TMEM207: variants seen among roughly 807,000 people sequenced by gnomAD.
TMEM207 encodes transmembrane protein 207, also known as SRSR846.
A neutral mutation model predicts 17.4 loss-of-function variants in TMEM207; 15 were observed. The ratio of observed to expected loss-of-function variants is 0.86; its 90% confidence interval spans 0.58 to 1.33. The LOEUF is 1.33. Ranked by LOEUF, TMEM207 falls within the 40% of genes most tolerant of loss-of-function variation. TMEM207 has a pLI of 0.00. For synonymous variants in TMEM207, 70 were observed against 65.6 expected (o/e 1.07, Z -0.33); for missense variants, 205 against 173.8 (o/e 1.18, Z -1.01).
intron 1 of TMEM207, 80 bp from the exon 2 acceptor site, chr3:190,447,907 T>C: frequency 7.5e-7 from 1 of 1,341,026 alleles, no homozygotes; most frequent in Non-Finnish European, 1.0e-6. Flanking sequence ...CTAGAGACAA[T>C]GTGGGTTTAT....
intron 4 of TMEM207, among the ~76,000 whole-genome samples, chr3:190,431,222 T>G (rs543425674): frequency 2.0e-5 from 3 of 152,080 alleles, no homozygotes; most frequent in African/African-American, 7.2e-5. Flanking sequence ...TTACCTCAGT[T>G]TTCTCTTAGG....
chr3:190,429,386 T>A lies in TMEM207; in HGVS notation c.*209A>T. On this transcript the variant is annotated 3_prime_UTR_variant, in exon 5 of 5. Transcript: ENST00000354905. ...GTAGCATAAAAGTATGATACAGCAG[T>A]GACACATCAAAAGCCTGCTACTTTA... 1 of 565,610 alleles carries A rather than the reference T, an allele frequency of 1.8e-6. No individual in the cohort carries two copies. The highest frequency in any genetic ancestry group is 3.2e-5 in the Admixed American group (1 of 31,548). The allele number at this position is 565,610 out of a possible 1,614,324, so 35.0% of individuals were successfully genotyped here.
At chr3:190,449,579 G>A (rs950156212) in intron 1 of TMEM207, among the ~76,000 whole-genome samples, 156 bp downstream of exon 1, 5 of 152,162 alleles carry the variant, frequency 3.3e-5, no homozygotes, top group African/African-American at 1.2e-4. Context: ...TCTGACCAGT[G>A]AATACAAGAA....
intron 4 of TMEM207, among the ~76,000 whole-genome samples, chr3:190,438,241 T>C (rs1052790531): frequency 1.3e-5 from 2 of 151,724 alleles, no homozygotes; most frequent in African/African-American, 4.8e-5. Flanking sequence ...AAACTTAAAG[T>C]ATAATAATAA....
chr3:190,442,267 C>T (rs1377113707), intron 2 of TMEM207, among the ~76,000 whole-genome samples: 1 of 152,132 alleles, frequency 6.6e-6, no homozygotes, highest in Non-Finnish European at 1.5e-5. Flanking sequence ...TTAAGGTATT[C>T]TGAACTGAGC....
intron 4 of TMEM207, among the ~76,000 whole-genome samples, chr3:190,436,719 A>G (rs982643720): frequency 1.3e-5 from 2 of 152,236 alleles, no homozygotes; most frequent in Admixed American, 6.5e-5. Context: ...TAAATCTAGC[A>G]TGGGTCCAGG....
At chr3:190,444,053 G>A (rs1820338) in intron 2 of TMEM207, among the ~76,000 whole-genome samples, 80,616 of 151,952 alleles carry the variant, frequency 0.53, 21,761 homozygotes, top group Non-Finnish European at 0.6. Flanking sequence ...TCTGTGCTGA[G>A]AATCTGTGGA....
intron 4 of TMEM207, among the ~76,000 whole-genome samples, chr3:190,433,634 C>T (rs1410573264): frequency 2.0e-5 from 3 of 152,084 alleles, no homozygotes; most frequent in Non-Finnish European, 4.4e-5. Flanking sequence ...GCATACATTC[C>T]TTTGAAAAAA....
chr3:190,428,958 T>C lies in TMEM207; in HGVS notation c.*637A>G, dbSNP rs1560104737. ...TTCTTTTCTCCCCGTGTTGGCATTA[T>C]ATGTGCTCTATATCTTCAGCAATCT... On this transcript the variant is annotated 3_prime_UTR_variant, in exon 5 of 5. Transcript: ENST00000354905. The C allele has an allele frequency of 6.6e-6, 1 of 152,390 alleles. No individual in the cohort carries two copies. The highest frequency in any genetic ancestry group is 1.9e-4 in the East Asian group (1 of 5,186). The allele number at this position is 152,390 out of a possible 1,614,324, so 9.4% of individuals were successfully genotyped here.
At chr3:190,441,284 G>A (rs1719931339) in intron 3 of TMEM207, among the ~76,000 whole-genome samples, 154 bp downstream of exon 3, 1 of 152,092 alleles carries the variant, frequency 6.6e-6, no homozygotes, top group Non-Finnish European at 1.5e-5. Flanking sequence ...AGTAAACATT[G>A]GCCAACGATC....
intron 2 of TMEM207, among the ~76,000 whole-genome samples, chr3:190,446,652 T>C (rs1482462006): frequency 6.6e-6 from 1 of 152,262 alleles, no homozygotes; most frequent in Non-Finnish European, 1.5e-5. Context: ...CTCTTAGGTT[T>C]CAATCCCTTC....
chr3:190,430,049 T>C (rs1719658721), intron 4 of TMEM207, among the ~76,000 whole-genome samples: 2 of 152,274 alleles, frequency 1.3e-5, no homozygotes, highest in South Asian at 4.1e-4. Flanking sequence ...TCAACACTAA[T>C]GGCATTTCAG....
In TMEM207 at chr3:190,429,480, G is replaced by T; in HGVS notation, c.*115C>A. 7.0e-7 allele frequency: 1 copy of T among 1,421,334 alleles called. No homozygotes were observed. Among genetic ancestry groups the T allele is most frequent in the Admixed American group, 2.3e-5 (1 of 44,242 alleles). 88.0% of individuals were successfully genotyped at this position (1,421,334 alleles called of 1,614,324 possible). On this transcript the variant is annotated 3_prime_UTR_variant, in exon 5 of 5. Coordinates refer to ENST00000354905, the MANE Select transcript of TMEM207 (RefSeq NM_207316.3). ...TCTTTTGTCGAATTGTCCTTCCTCA[G>T]ACTATATGAATAGATCTCTGGACAT...
At chr3:190,430,516 G>T (rs1281607994) in intron 4 of TMEM207, among the ~76,000 whole-genome samples, 1 of 150,350 alleles carries the variant, frequency 6.7e-6, no homozygotes, top group Non-Finnish European at 1.5e-5. Flanking sequence ...TATAAAGATG[G>T]TTTTATATAT....
At chr3:190,448,936 C>T (rs1469115431) in intron 1 of TMEM207, among the ~76,000 whole-genome samples, 1 of 152,124 alleles carries the variant, frequency 6.6e-6, no homozygotes, top group East Asian at 1.9e-4. Context: ...TGCTAGAATG[C>T]TGCAAATAGA....
chr3:190,439,817 C>T (rs2108535681), intron 4 of TMEM207, among the ~76,000 whole-genome samples: 1 of 152,206 alleles, frequency 6.6e-6, no homozygotes, highest in Admixed American at 6.5e-5. Flanking sequence ...TGGAAAGTGT[C>T]GTTCAATGTT....
intron 1 of TMEM207, among the ~76,000 whole-genome samples, chr3:190,448,879 T>C (rs931753890): frequency 3.9e-5 from 6 of 152,164 alleles, no homozygotes; most frequent in African/African-American, 1.4e-4. Context: ...TCAGAGAGCA[T>C]GGTAATGAAC....
At chr3:190,449,676 G>A in intron 1 of TMEM207, 59 bp downstream of exon 1, 1 of 1,500,520 alleles carries the variant, frequency 6.7e-7, no homozygotes, top group East Asian at 2.3e-5. Flanking sequence ...AGCAAATCAA[G>A]TCCTCAGAGT....
intron 3 of TMEM207, among the ~76,000 whole-genome samples, 179 bp downstream of exon 3, chr3:190,441,259 C>A (rs1427780000): frequency 6.6e-6 from 1 of 152,146 alleles, no homozygotes; most frequent in Non-Finnish European, 1.5e-5. Context: ...GTCCTTTTGT[C>A]ACAAGAAGTG....
Sources: allele counts gnomAD v4.1 joint callset (sites outside exome capture counted in the v4.1 genomes callset), GRCh38; gene constraint gnomAD v4.1.1; transcripts MANE v1.5; gene names NCBI Gene and HGNC (gene_info 2026-07-23, HGNC 2026-07-21).